SCAPER: variants seen among roughly 807,000 people sequenced by gnomAD.
The protein encoded by SCAPER is S phase cyclin A-associated protein in the endoplasmic reticulum.
A neutral mutation model predicts 182.2 loss-of-function variants in SCAPER; 98 were observed. That is an observed-to-expected ratio of 0.54 (90% confidence interval 0.46 to 0.64). SCAPER has a LOEUF of 0.64. Ranked by LOEUF, SCAPER falls within the 30% of genes least tolerant of loss-of-function variation. The probability of loss-of-function intolerance (pLI) is 0.00; values close to 1 mark genes in which losing one functional copy is unlikely to be tolerated. For synonymous variants in SCAPER, 605 were observed against 564.6 expected (o/e 1.07, Z -1.01); for missense variants, 1,432 against 1,690.0 (o/e 0.85, Z 2.68).
intron 2 of SCAPER, among the ~76,000 whole-genome samples, chr15:76,864,032 A>G (rs111952985): frequency 6.6e-6 from 1 of 152,270 alleles, no homozygotes; most frequent in East Asian, 1.9e-4. Flanking sequence ...AGCCCCTAGA[A>G]AACTGCTGCC....
In SCAPER at chr15:76,540,705, A is replaced by G. The variant is rs115814559; in HGVS notation, c.2838+33453T>C. 9.0e-3 allele frequency among the ~76,000 whole-genome samples: 1,370 copies of G among 152,022 alleles called. 23 individuals are homozygous for G. Among genetic ancestry groups the G allele is most frequent in the African/African-American group, 0.032 (1,331 of 41,472 alleles). On this transcript the variant is annotated intron_variant, in intron 23 of 31. Transcript: ENST00000563290. ...CTGTATTGTCTAGTTTTTTTTTACA[A>G]TGAACATGTATTATAGTAATAATAA... is the stretch of plus-strand genomic sequence containing the variant.
At chr15:76,803,324 C>T (rs867463301) in intron 6 of SCAPER, among the ~76,000 whole-genome samples, 1 of 152,190 alleles carries the variant, frequency 6.6e-6, no homozygotes, top group Non-Finnish European at 1.5e-5. Flanking sequence ...TGTCTAACTC[C>T]TACTTAACAA....
intron 23 of SCAPER, among the ~76,000 whole-genome samples, chr15:76,539,344 C>A (rs1250414722): frequency 1.3e-5 from 2 of 152,052 alleles, no homozygotes; most frequent in African/African-American, 4.8e-5. Context: ...GAATCATTCA[C>A]AAAGAAAAGC....
At chr15:76,461,701 A>G (rs1243763588) in intron 25 of SCAPER, among the ~76,000 whole-genome samples, 1 of 152,176 alleles carries the variant, frequency 6.6e-6, no homozygotes, top group Admixed American at 6.6e-5. Flanking sequence ...TGCTAATTCT[A>G]ACATCTGTGT....
At chr15:76,536,001 T>G (rs1405368846) in intron 23 of SCAPER, among the ~76,000 whole-genome samples, 2 of 152,210 alleles carry the variant, frequency 1.3e-5, no homozygotes, top group Non-Finnish European at 2.9e-5. Context: ...TTCCAGTAAT[T>G]TGTAGGCTCA....
At position 76,836,687 on chromosome 15, in the gene SCAPER, C is replaced by G. The variant is rs1171258764; in HGVS notation, c.393+5047G>C. Among the ~76,000 whole-genome samples, 3 of 152,078 alleles carry G rather than the reference C, an allele frequency of 2.0e-5. No individual in the cohort carries two copies. The East Asian group carries it at 5.8e-4, about 29-fold the overall frequency. On this transcript the variant is annotated intron_variant, in intron 5 of 31. Coordinates refer to ENST00000563290, the MANE Select transcript of SCAPER (RefSeq NM_020843.4). ...AGGAGATTGAGACCATTCTGGCTAA[C>G]ATGGTGAAACCCCGTCTCTACTAAA... is the stretch of plus-strand genomic sequence containing the variant.
chr15:76,864,928 T>G (rs1322011766), intron 2 of SCAPER, among the ~76,000 whole-genome samples: 2 of 152,096 alleles, frequency 1.3e-5, no homozygotes, highest in African/African-American at 2.4e-5. Flanking sequence ...CCTCACACAT[T>G]TTTTTCCTGA....
In SCAPER at chr15:76,370,399, G is replaced by A. The variant is rs112224286; in HGVS notation, c.3855+5763C>T. Among the ~76,000 whole-genome samples, 646 of 148,476 alleles carry A rather than the reference G, an allele frequency of 4.4e-3. 6 individuals carry two copies. Among genetic ancestry groups the A allele is most frequent in the African/African-American group, 0.016 (614 of 39,422 alleles). On this transcript the variant is annotated intron_variant, in intron 29 of 31. Transcript: ENST00000563290. ...GGCTCACTGCAACCTCTGCCTCCCG[G>A]GTTCAAGCGATTCTCCTGCCTCAGC...
intron 5 of SCAPER, among the ~76,000 whole-genome samples, chr15:76,836,735 G>C (rs897781163): frequency 6.6e-6 from 1 of 151,924 alleles, no homozygotes; most frequent in Non-Finnish European, 1.5e-5. Context: ...TTAGCCGGGC[G>C]TGGTGGCAGG....
At chr15:76,719,387 A>G (rs748979604) in intron 17 of SCAPER, among the ~76,000 whole-genome samples, 2 of 152,206 alleles carry the variant, frequency 1.3e-5, no homozygotes, top group Non-Finnish European at 2.9e-5. Context: ...ACGGGTGTGC[A>G]TAAGAGGGAG....
intron 3 of SCAPER, among the ~76,000 whole-genome samples, 158 bp downstream of exon 3, chr15:76,862,247 GGCTTTTATAAA>G (rs2071935904): frequency 8.1e-6 from 1 of 124,174 alleles, no homozygotes; most frequent in South Asian, 2.4e-4. Flanking sequence ...CTAACAATAA[GGCTTTTATAAA>G]ACCATGTGTG....
chr15:76,851,149 G>T (rs1000874853), intron 4 of SCAPER, among the ~76,000 whole-genome samples: 2 of 151,898 alleles, frequency 1.3e-5, no homozygotes, highest in African/African-American at 4.8e-5. Flanking sequence ...CAAAAATAAA[G>T]AAAAAGGAAT....
intron 24 of SCAPER, among the ~76,000 whole-genome samples, chr15:76,490,473 C>T (rs1405734275): frequency 6.6e-6 from 1 of 151,964 alleles, no homozygotes; most frequent in South Asian, 2.1e-4. Flanking sequence ...TATTTAAGTC[C>T]TTTGTCCATT....
rs2041705531 is a variant in SCAPER at position 76,364,899 on chromosome 15, T to G, written c.3856-10759A>C. 2.0e-5 allele frequency among the ~76,000 whole-genome samples: 3 copies of G among 152,090 alleles called. No individual in the cohort carries two copies. In the South Asian group the frequency reaches 6.2e-4, roughly 32 times the overall value. ...CCTGCCTCTTTAGTCTTAGCTCTTG[T>G]TTCTCCTACATCCTGAGCTCCAGTT... On this transcript the variant is annotated intron_variant, in intron 29 of 31. Transcript: ENST00000563290.
At chr15:76,547,385 T>C (rs1181099951) in intron 23 of SCAPER, among the ~76,000 whole-genome samples, 1 of 152,170 alleles carries the variant, frequency 6.6e-6, no homozygotes, top group Non-Finnish European at 1.5e-5. Flanking sequence ...TAGGATACTT[T>C]TTAATATATT....
intron 5 of SCAPER, among the ~76,000 whole-genome samples, chr15:76,821,778 G>A (rs904282239): frequency 6.6e-5 from 10 of 152,102 alleles, no homozygotes; most frequent in Admixed American, 1.3e-4. Context: ...GCATGGTGAC[G>A]CATGACTGTA....
At chr15:76,699,420 A>G (rs2058814455) in intron 20 of SCAPER, among the ~76,000 whole-genome samples, 1 of 152,034 alleles carries the variant, frequency 6.6e-6, no homozygotes, top group African/African-American at 2.4e-5. Context: ...GGCTCTTCTT[A>G]TTTTGAGCTA....
chr15:76,655,247 A>G (rs534219855), intron 21 of SCAPER, among the ~76,000 whole-genome samples: 1 of 152,248 alleles, frequency 6.6e-6, no homozygotes, highest in Non-Finnish European at 1.5e-5. Flanking sequence ...TGAGAATTTC[A>G]TAATAAAATT....
At chr15:76,507,061 G>C (rs2041646978) in intron 23 of SCAPER, among the ~76,000 whole-genome samples, 1 of 152,078 alleles carries the variant, frequency 6.6e-6, no homozygotes, top group African/African-American at 2.4e-5. Context: ...GACTTGAATT[G>C]TGCCCCCCTC....
Sources: allele counts gnomAD v4.1 joint callset (sites outside exome capture counted in the v4.1 genomes callset), GRCh38; gene constraint gnomAD v4.1.1; transcripts MANE v1.5; gene names NCBI Gene and HGNC (gene_info 2026-07-23, HGNC 2026-07-21).